Variants in ACACB observed in about 807,000 individuals in gnomAD.
ACACB encodes acetyl-CoA carboxylase beta.
A neutral mutation model predicts 278.8 loss-of-function variants in ACACB; 209 were observed. The ratio of observed to expected loss-of-function variants is 0.75; its 90% CI spans 0.67 to 0.84. ACACB has a LOEUF of 0.84. Among genes scored for constraint, ACACB ranks in the 40% least tolerant of loss-of-function variants. The probability of loss-of-function intolerance (pLI) is 0.00; values close to 1 mark genes in which losing one functional copy is unlikely to be tolerated. For missense variants in ACACB, 2,850 were observed against 3,269.0 expected (o/e 0.87, Z 3.13); for synonymous variants, 1,174 against 1,285.6 (o/e 0.91, Z 1.86).
In ACACB at chr12:109,163,204, C is replaced by T. The variant is rs184241268; in HGVS notation, c.654-3657C>T. On this transcript the variant is annotated intron_variant, in intron 2 of 52. Transcript: ENST00000338432. Reference sequence around the variant, plus strand: ...CCTCCCATAGTGCTGGGATTACAGGCGTGAGCCACTGCACCCGGCCCTGAG... The same window carrying T: ...CCTCCCATAGTGCTGGGATTACAGGTGTGAGCCACTGCACCCGGCCCTGAG... Among the ~76,000 whole-genome samples, 19 of 152,300 alleles carry T rather than the reference C, an allele frequency of 1.2e-4. No individual in the cohort carries two copies. In the East Asian group the frequency reaches 3.1e-3, roughly 25 times the overall value.
chr12:109,192,103 C>G (rs1366292637), intron 15 of ACACB, among the ~76,000 whole-genome samples, 153 bp downstream of exon 15: 1 of 152,156 alleles, frequency 6.6e-6, no homozygotes, highest in East Asian at 1.9e-4. Flanking sequence ...CTCTACAGAT[C>G]AACCTAGGCT....
At chr12:109,247,537 A>G in intron 39 of ACACB, 69 bp from the exon 40 acceptor site, 1 of 1,152,416 alleles carries the variant, frequency 8.7e-7, no homozygotes, top group Non-Finnish European at 1.3e-6. Flanking sequence ...TGTTCACATT[A>G]AGAAAAAAAA....
chr12:109,172,391 G>T, intron 6 of ACACB, 35 bp downstream of exon 6: 1 of 1,589,780 alleles, frequency 6.3e-7, no homozygotes, highest in Non-Finnish European at 8.6e-7. Context: ...ATGGGAATTG[G>T]GGTATTGCTG....
At chr12:109,173,263 A>G (rs1451004525) in intron 6 of ACACB, among the ~76,000 whole-genome samples, 2 of 152,236 alleles carry the variant, frequency 1.3e-5, no homozygotes, top group South Asian at 4.1e-4. Flanking sequence ...CCCCTGTGAC[A>G]TAAGTTTACC....
intron 1 of ACACB, among the ~76,000 whole-genome samples, chr12:109,118,802 A>G (rs1443307482): frequency 6.6e-6 from 1 of 152,244 alleles, no homozygotes; most frequent in African/African-American, 2.4e-5. Context: ...CAGGGAAACC[A>G]GGAAACAGAG....
intron 49 of ACACB, chr12:109,262,955 T>TATATATAG (rs1411880774): frequency 2.1e-5 from 2 of 96,328 alleles, no homozygotes; most frequent in Admixed American, 8.9e-5. Flanking sequence ...TAACATTATA[T>TATATATAG]ATATATATAT....
At position 109,190,843 on chromosome 12, in the gene ACACB, T is replaced by C. The variant is rs553268382; in HGVS notation, c.2145-770T>C. 2.0e-5 allele frequency among the ~76,000 whole-genome samples: 3 copies of C among 152,062 alleles called. No individual in the cohort carries two copies. In the East Asian group the frequency reaches 5.8e-4, roughly 30 times the overall value. ...CGTCTCATTATGTTGCCCAGGCTGGTCTTGAACTCATGCCTCAAGCAATCC... is the reference window on the plus strand; with the variant it reads ...CGTCTCATTATGTTGCCCAGGCTGGCCTTGAACTCATGCCTCAAGCAATCC... On this transcript the variant is annotated intron_variant, in intron 13 of 52. Transcript: ENST00000338432.
intron 49 of ACACB, chr12:109,262,983 T>TATATATATATATATA (rs1491252356): frequency 2.1e-3 from 283 of 134,688 alleles, no homozygotes; most frequent in Middle Eastern, 7.4e-3. Flanking sequence ...TATATATATA[T>TATATATATATATATA]TGCCATCGTG....
intron 17 of ACACB, 32 bp downstream of exon 17, chr12:109,197,185 G>A (rs530964104): frequency 1.3e-6 from 2 of 1,586,418 alleles, no homozygotes; most frequent in South Asian, 1.2e-5. Context: ...ACTGTGGGCT[G>A]GGCATGCACA....
Position 109,245,754 on chromosome 12 carries a change from A to T in ACACB, c.5301+6A>T, listed in dbSNP as rs1180763389. 1 of 1,613,526 alleles carries T rather than the reference A, an allele frequency of 6.2e-7. No individual in the cohort carries two copies. Among genetic ancestry groups the T allele is most frequent in the East Asian group, 2.2e-5 (1 of 44,860 alleles). On this transcript the variant is annotated splice_donor_region_variant and intron_variant, in intron 38 of 52. Coordinates refer to ENST00000338432, the MANE Select transcript of ACACB (RefSeq NM_001093.4). ...GACTTCCTGGTGGAAATGAGGTAAT[A>T]GCTCAGCGGAGCCTAACCCCTGGCT...
At chr12:109,245,124 C>T (rs973281504) in intron 37 of ACACB, among the ~76,000 whole-genome samples, 1 of 151,286 alleles carries the variant, frequency 6.6e-6, no homozygotes, top group African/African-American at 2.4e-5. Flanking sequence ...GCAGAGGTTG[C>T]GGTGAGCTGA....
intron 2 of ACACB, among the ~76,000 whole-genome samples, chr12:109,163,831 G>T (rs1187985832): frequency 6.6e-6 from 1 of 152,180 alleles, no homozygotes; most frequent in East Asian, 1.9e-4. Context: ...TGTATTTTTA[G>T]TAGAGACGGG....
At chr12:109,153,786 T>TA (rs1330159707) in intron 2 of ACACB, among the ~76,000 whole-genome samples, 1 of 152,126 alleles carries the variant, frequency 6.6e-6, no homozygotes, top group African/African-American at 2.4e-5. Context: ...CCTCAGTCTC[T>TA]CGAGTAGCTG....
intron 19 of ACACB, among the ~76,000 whole-genome samples, chr12:109,205,233 C>T (rs1004757865): frequency 3.3e-5 from 5 of 152,178 alleles, no homozygotes; most frequent in African/African-American, 1.2e-4. Flanking sequence ...TGGGTACCTG[C>T]ACTGTGATTC....
chr12:109,169,244 C>A (rs1225093049), intron 4 of ACACB, among the ~76,000 whole-genome samples: 1 of 151,962 alleles, frequency 6.6e-6, no homozygotes, highest in Non-Finnish European at 1.5e-5. Flanking sequence ...GTGCTGTTCC[C>A]AATATTAGCA....
At chr12:109,193,618 G>A (rs771910189) in intron 15 of ACACB, 30 bp from the exon 16 acceptor site, 1 of 1,581,006 alleles carries the variant, frequency 6.3e-7, no homozygotes, top group Admixed American at 1.7e-5. Flanking sequence ...TCCCTCCCAA[G>A]GCTGACCACA....
At chr12:109,210,485 G>A (rs199673241) in intron 21 of ACACB, among the ~76,000 whole-genome samples, 1 of 145,530 alleles carries the variant, frequency 6.9e-6, no homozygotes, top group Non-Finnish European at 1.5e-5. Context: ...GTGTATATGT[G>A]TATATATACA....
At chr12:109,131,886 T>C (rs555404260) in intron 1 of ACACB, among the ~76,000 whole-genome samples, 50 of 152,268 alleles carry the variant, frequency 3.3e-4, no homozygotes, top group African/African-American at 1.2e-3. Flanking sequence ...TCGGTGCTCA[T>C]TCTTGACCAC....
intron 12 of ACACB, among the ~76,000 whole-genome samples, chr12:109,187,080 G>A (rs1382803984): frequency 2.0e-5 from 3 of 151,834 alleles, no homozygotes; most frequent in Admixed American, 2.0e-4. Flanking sequence ...AGGGAGGGAG[G>A]GAGGAAGGGG....
Sources: gnomAD v4.1 joint callset for allele counts (sites outside exome capture counted in the v4.1 genomes callset) on GRCh38, gnomAD v4.1.1 for gene constraint, MANE v1.5 for transcripts, NCBI Gene and HGNC (gene_info 2026-07-23, HGNC 2026-07-21) for gene names.